Variants in PKHD1L1 observed in about 807,000 individuals in gnomAD.
PKHD1L1 encodes the protein fibrocystin-L.
In PKHD1L1, 434 loss-of-function variants were observed where a neutral mutation model predicts 462.9. That is an observed-to-expected ratio of 0.94 (90% confidence interval 0.87 to 1.02). The LOEUF (loss-of-function observed/expected upper bound fraction) is 1.02. PKHD1L1 is among the 50% of genes least tolerant of loss of function. The pLI is 0.00. For missense variants in PKHD1L1, 5,202 were observed against 5,096.1 expected (o/e 1.02, Z -0.63); for synonymous variants, 1,781 against 1,750.0 (o/e 1.02, Z -0.44).
intron 63 of PKHD1L1, among the ~76,000 whole-genome samples, chr8:109,495,445 A>T (rs1024434784): frequency 2.6e-5 from 4 of 151,990 alleles, no homozygotes; most frequent in Non-Finnish European, 4.4e-5. Context: ...GAGATTTTGG[A>T]GTTATAGCAA....
At chr8:109,363,918 T>G (rs1220951662) in intron 1 of PKHD1L1, among the ~76,000 whole-genome samples, 2 of 152,200 alleles carry the variant, frequency 1.3e-5, no homozygotes, top group African/African-American at 4.8e-5. Flanking sequence ...CCTAAGCCTT[T>G]GGAAAGTTAG....
chr8:109,460,733 G>A (rs1201660933), intron 47 of PKHD1L1, among the ~76,000 whole-genome samples: 1 of 152,146 alleles, frequency 6.6e-6, no homozygotes, highest in East Asian at 1.9e-4. Context: ...AGCCCAAAAT[G>A]TCAGTGATTT....
rs10441509 is a variant in PKHD1L1, at chr8:109,480,050, G to A, written c.9238G>A (p.Val3080Ile). The A allele has an allele frequency of 0.019, 30,199 of 1,593,788 alleles. 987 individuals are homozygous for A. The highest frequency in any genetic ancestry group is 0.13 in the African/African-American group (9,961 of 73,990). Residue 3080 changes from valine (V) to isoleucine (I), a missense_variant, in exon 55 of 78, where the codon GTT becomes ATT. Physicochemically the swap from Val to Ile is conservative, Grantham distance 29 (BLOSUM62 3). This residue lies in a region of PKHD1L1 where 4,497 missense variants were observed against 4,336.8 expected (regional missense o/e 1.04). Transcript: ENST00000378402. ...AATGGAAAGACTCATTATTTGGGGG[G>A]TTCTAGAACTGGAAGATAAATACAA... Reference protein sequence around the residue: ...PSMERLIIWGVLELEDKYNVG... With the variant: ...PSMERLIIWGILELEDKYNVG...
At position 109,500,467 on chromosome 8, in the gene PKHD1L1, G is replaced by A. The variant is rs920954809; in HGVS notation, c.10828+1696G>A. 4.1e-5 allele frequency among the ~76,000 whole-genome samples: 6 copies of A among 145,788 alleles called. No individual in the cohort carries two copies. The South Asian group carries it at 1.1e-3, about 27-fold the overall frequency. On this transcript the variant is annotated intron_variant, in intron 67 of 77. Transcript: ENST00000378402. ...CAAGGTGGATGAATCATGAGGTCAG[G>A]AGTTCAAGACCAGTTTGGCCAACAT...
intron 63 of PKHD1L1, among the ~76,000 whole-genome samples, chr8:109,495,834 A>G (rs970651718): frequency 6.6e-6 from 1 of 152,108 alleles, no homozygotes; most frequent in Non-Finnish European, 1.5e-5. Context: ...GCTGCTCTTT[A>G]TAGACAATCC....
chr8:109,534,290 G>A lies in PKHD1L1; in HGVS notation c.*4200G>A, dbSNP rs955156856. 1.3e-5 allele frequency among the ~76,000 whole-genome samples: 2 copies of A among 152,142 alleles called. No individual in the cohort carries two copies. The highest frequency in any genetic ancestry group is 6.5e-5 in the Admixed American group (1 of 15,280). ...ATCCTGGCTAACACAGTGAAATCCTGTCTCTACTAAAAATACAAAAAAATT... is the reference window on the plus strand; with the variant it reads ...ATCCTGGCTAACACAGTGAAATCCTATCTCTACTAAAAATACAAAAAAATT... On this transcript the variant is annotated 3_prime_UTR_variant, in exon 78 of 78. Transcript: ENST00000378402.
chr8:109,497,467 C>T (rs1010400603), intron 65 of PKHD1L1, among the ~76,000 whole-genome samples, 195 bp downstream of exon 65: 14 of 148,172 alleles, frequency 9.4e-5, no homozygotes, highest in African/African-American at 3.0e-4. Flanking sequence ...GAGTCTCGCT[C>T]CGTAGCCCAG....
intron 2 of PKHD1L1, among the ~76,000 whole-genome samples, 198 bp from the exon 3 acceptor site, chr8:109,381,172 T>A (rs1459946292): frequency 6.6e-6 from 1 of 152,160 alleles, no homozygotes; most frequent in African/African-American, 2.4e-5. Context: ...CAGCAATACT[T>A]TTATGAGTAA....
intron 50 of PKHD1L1, among the ~76,000 whole-genome samples, chr8:109,469,872 C>G (rs943216175): frequency 6.6e-6 from 1 of 152,044 alleles, no homozygotes; most frequent in African/African-American, 2.4e-5. Flanking sequence ...CAAATAAAAA[C>G]TGAAACAAAA....
At chr8:109,464,135 A>G (rs1817285526) in intron 48 of PKHD1L1, 81 bp from the exon 49 acceptor site, 1 of 942,592 alleles carries the variant, frequency 1.1e-6, no homozygotes, top group African/African-American at 1.7e-5. Context: ...ATAATATAAA[A>G]TTAGATATTT....
Position 109,470,842 on chromosome 8 carries a change from A to G in PKHD1L1, c.8605+4073A>G, listed in dbSNP as rs774087471. 3.0e-5 allele frequency: 45 copies of G among 1,509,038 alleles called. No individual in the cohort carries two copies. In the Admixed American group the frequency reaches 3.5e-4, roughly 12 times the overall value. The allele number at this position is 1,509,038 out of a possible 1,614,324, so 93.5% of individuals were successfully genotyped here. On this transcript the variant is annotated intron_variant, in intron 50 of 77. Coordinates refer to ENST00000378402, the MANE Select transcript of PKHD1L1 (RefSeq NM_177531.6). ...AAAGGAAAACACACTAGTTACTTGGATAAGTTCTTTAGCAGGAAAGAAGAT... is the reference window on the plus strand; with the variant it reads ...AAAGGAAAACACACTAGTTACTTGGGTAAGTTCTTTAGCAGGAAAGAAGAT...
chr8:109,429,573 G>A (rs1477037771), intron 26 of PKHD1L1, 111 bp downstream of exon 26: 1 of 1,044,594 alleles, frequency 9.6e-7, no homozygotes, highest in Non-Finnish European at 1.4e-6. Flanking sequence ...TATTTCATGG[G>A]AACATTTGTC....
At chr8:109,479,669 G>C (rs1259968480) in intron 54 of PKHD1L1, 30 bp downstream of exon 54, 3 of 1,354,560 alleles carry the variant, frequency 2.2e-6, no homozygotes, top group Non-Finnish European at 3.1e-6. Context: ...TGAATGAAAT[G>C]TTTGTTTTCT....
intron 38 of PKHD1L1, among the ~76,000 whole-genome samples, chr8:109,447,500 T>C (rs1816215204): frequency 6.6e-6 from 1 of 152,188 alleles, no homozygotes; most frequent in Admixed American, 6.6e-5. Context: ...TTTAATGCCC[T>C]TCACGTACAT....
intron 28 of PKHD1L1, among the ~76,000 whole-genome samples, chr8:109,433,646 A>G (rs1386753099): frequency 1.3e-5 from 2 of 152,156 alleles, no homozygotes; most frequent in African/African-American, 4.8e-5. Flanking sequence ...TCTCTCCATT[A>G]ATGTAGAATT....
Position 109,443,700 on chromosome 8 carries a change from G to A in PKHD1L1, c.4589G>A (p.Gly1530Glu). The A allele has an allele frequency of 6.2e-7, 1 of 1,612,810 alleles. No individual in the cohort carries two copies. The highest frequency in any genetic ancestry group is 8.5e-7 in the Non-Finnish European group (1 of 1,179,396). ...GGAGGACCTGAGAATTTGCACTTGG[G>A]AAGCTCTGTGGCAGGCTGCCTAGCA... is the stretch of plus-strand genomic sequence containing the variant. ...AYGGPENLHL[G>E]SSVAGCLATE... The change falls in exon 37 of 78, where the codon GGA becomes GAA. Residue 1530 changes from glycine (G) to glutamate (E), a missense_variant. Gly to Glu is a moderately conservative substitution (Grantham distance 98). Around this residue, in one of 3 missense-constraint regions of PKHD1L1, gnomAD observed 4,497 missense variants for 4,336.8 expected, o/e 1.04. Coordinates refer to ENST00000378402, the MANE Select transcript of PKHD1L1 (RefSeq NM_177531.6).
chr8:109,523,215 C>CTTTT lies in PKHD1L1; in HGVS notation c.12331-6_12331-3dup. On this transcript the variant is annotated splice_polypyrimidine_tract_variant and intron_variant, in intron 75 of 77. Transcript: ENST00000378402. ...ACAGGACAATTGTTATAATTATCTA[C>CTTTT]TTTTTTTTTTTTTTTAGGGTAACTG... 9.0e-6 allele frequency: 13 copies of CTTTT among 1,442,880 alleles called. No homozygotes were observed. Among genetic ancestry groups the CTTTT allele is most frequent in the South Asian group, 2.7e-5 (2 of 74,020 alleles). 89.4% of individuals were successfully genotyped at this position (1,442,880 alleles called of 1,614,324 possible).
rs180747472 is a variant in PKHD1L1, at chr8:109,476,657, A to G, written c.8907A>G (p.Leu2969=). Residue 2969 remains leucine, a synonymous_variant, in exon 52 of 78, where the codon CTA becomes CTG. Coordinates refer to ENST00000378402, the MANE Select transcript of PKHD1L1 (RefSeq NM_177531.6). ...ACCTTGAAGCAAACACTAGTACTCT[A>G]TATTACTTGGGTATGTGTCATTAGG... is the stretch of plus-strand genomic sequence containing the variant. ...DWHLEANTST[L]YYLVSGRNDL... is the part of the protein sequence containing the mutation. The G allele has an allele frequency of 8.5e-4, 1,356 of 1,594,380 alleles. 2 individuals are homozygous for G. Among genetic ancestry groups the G allele is most frequent in the Non-Finnish European group, 1.0e-3 (1,222 of 1,170,508 alleles).
chr8:109,425,577 A>G (rs1433034729), intron 24 of PKHD1L1, among the ~76,000 whole-genome samples: 1 of 152,018 alleles, frequency 6.6e-6, no homozygotes, highest in Admixed American at 6.6e-5. Context: ...ATTTATAACA[A>G]TTTTTTATAG....
Sources: allele counts gnomAD v4.1 joint callset (sites outside exome capture counted in the v4.1 genomes callset), GRCh38; gene constraint gnomAD v4.1.1; regional missense constraint gnomAD v4.1.1; transcripts MANE v1.5; gene names NCBI Gene and HGNC (gene_info 2026-07-23, HGNC 2026-07-21).